SHISA9: variants seen among roughly 807,000 people sequenced by gnomAD.
SHISA9 encodes shisa family member 9, also known as protein shisa-9.
A neutral mutation model predicts 38.0 loss-of-function variants in SHISA9; 13 were observed. The observed-to-expected ratio is 0.34, with a 90% CI of 0.22 to 0.54. SHISA9 has a LOEUF of 0.54. Ranked by LOEUF, SHISA9 falls within the 20% of genes least tolerant of loss-of-function variation. The probability of loss-of-function intolerance (pLI) is 0.91; values close to 1 mark genes in which losing one functional copy is unlikely to be tolerated. For missense variants in SHISA9, 538 were observed against 575.8 expected (o/e 0.93, Z 0.67); for synonymous variants, 275 against 242.0 (o/e 1.14, Z -1.27).
the SHISA9 span, among the ~76,000 whole-genome samples, chr16:13,554,309 A>AC: frequency 6.6e-6 from 1 of 151,426 alleles, no homozygotes; most frequent in East Asian, 2.0e-4. Flanking sequence ...AAAAAAAAAA[A>AC]AAACACCTTT....
chr16:13,119,455 A>G (rs1178089918), intron 2 of SHISA9, among the ~76,000 whole-genome samples: 1 of 152,146 alleles, frequency 6.6e-6, no homozygotes, highest in Admixed American at 6.5e-5. Flanking sequence ...TCACATTTCC[A>G]CTTGTTGATC....
intron 2 of SHISA9, among the ~76,000 whole-genome samples, chr16:13,133,365 C>T (rs930577829): frequency 6.6e-6 from 1 of 152,172 alleles, no homozygotes; most frequent in Admixed American, 6.5e-5. Flanking sequence ...ATTTTCATTT[C>T]TCATTTTCTT....
intron 2 of SHISA9, among the ~76,000 whole-genome samples, chr16:13,187,453 G>T (rs1325911188): frequency 1.3e-5 from 2 of 148,948 alleles, no homozygotes; most frequent in East Asian, 2.0e-4. Context: ...TCCTGTCTCA[G>T]CCTCCTGAAT....
the SHISA9 span, among the ~76,000 whole-genome samples, chr16:13,434,545 G>A: frequency 6.6e-6 from 1 of 151,344 alleles, no homozygotes; most frequent in Non-Finnish European, 1.5e-5. Context: ...AGCCTCCCGA[G>A]TAGCTGGGAC....
intron 2 of SHISA9, among the ~76,000 whole-genome samples, chr16:13,189,522 A>T (rs2050862253): frequency 6.6e-6 from 1 of 152,198 alleles, no homozygotes; most frequent in Admixed American, 6.5e-5. Flanking sequence ...TTATACTTAG[A>T]GATATGAGGG....
the SHISA9 span, among the ~76,000 whole-genome samples, chr16:13,308,664 T>C: frequency 1.6e-4 from 25 of 152,294 alleles, no homozygotes; most frequent in Non-Finnish European, 3.2e-4. Flanking sequence ...TGTGTGAAGA[T>C]GAAAGAAGAC....
intron 2 of SHISA9, among the ~76,000 whole-genome samples, chr16:13,140,009 G>A (rs1001981740): frequency 1.3e-4 from 19 of 151,616 alleles, no homozygotes; most frequent in East Asian, 3.9e-4. Context: ...TTTGACCCTC[G>A]GTCATTCCTT....
intron 2 of SHISA9, among the ~76,000 whole-genome samples, chr16:12,943,592 G>T (rs2071651276): frequency 6.6e-6 from 1 of 152,118 alleles, no homozygotes. Flanking sequence ...ACAAGTGAAT[G>T]CATCTCTCCT....
intron 2 of SHISA9, among the ~76,000 whole-genome samples, chr16:13,045,428 T>C (rs573526025): frequency 2.6e-5 from 4 of 152,310 alleles, no homozygotes; most frequent in Admixed American, 1.3e-4. Flanking sequence ...AAGATAGATA[T>C]CTTACCATAC....
chr16:13,318,482 C>T, the SHISA9 span, among the ~76,000 whole-genome samples: 1 of 152,058 alleles, frequency 6.6e-6, no homozygotes, highest in African/African-American at 2.4e-5. Flanking sequence ...GTGTGCCACC[C>T]CTCCCATCTA....
intron 2 of SHISA9, among the ~76,000 whole-genome samples, chr16:13,196,985 C>T (rs374560916): frequency 1.3e-5 from 2 of 151,922 alleles, no homozygotes; most frequent in East Asian, 1.9e-4. Context: ...TCCAGCTACT[C>T]GGAGGCTGAG....
chr16:13,206,857 T>A (rs1051882307), intron 3 of SHISA9, among the ~76,000 whole-genome samples: 1 of 152,212 alleles, frequency 6.6e-6, no homozygotes, highest in African/African-American at 2.4e-5. Flanking sequence ...CATTCAAATA[T>A]ACTCAGTGTT....
chr16:13,555,076 A>T, the SHISA9 span, among the ~76,000 whole-genome samples: 3 of 152,232 alleles, frequency 2.0e-5, no homozygotes, highest in African/African-American at 7.2e-5. Context: ...GTATATAATT[A>T]GTATTAACTA....
the SHISA9 span, among the ~76,000 whole-genome samples, chr16:13,476,629 AG>A: frequency 2.0e-5 from 3 of 151,928 alleles, no homozygotes; most frequent in Non-Finnish European, 4.4e-5. Context: ...GCTGTTTGAA[AG>A]GGGACACCCA....
chr16:13,489,214 A>T, the SHISA9 span, among the ~76,000 whole-genome samples: 1 of 151,834 alleles, frequency 6.6e-6, no homozygotes, highest in African/African-American at 2.4e-5. Context: ...CACCCGGCTA[A>T]TTTTTTTGTA....
At chr16:13,511,900 A>T in the SHISA9 span, among the ~76,000 whole-genome samples, 5 of 152,174 alleles carry the variant, frequency 3.3e-5, no homozygotes, top group Non-Finnish European at 7.3e-5. Context: ...CTTTTCCTAG[A>T]CACCTGAGAG....
chr16:13,366,739 G>A, the SHISA9 span, among the ~76,000 whole-genome samples: 1 of 152,122 alleles, frequency 6.6e-6, no homozygotes. Context: ...TGTTATCCCA[G>A]CGCTTTGGGA....
At chr16:12,932,889 C>T (rs974011002) in intron 2 of SHISA9, among the ~76,000 whole-genome samples, 1 of 152,166 alleles carries the variant, frequency 6.6e-6, no homozygotes, top group African/African-American at 2.4e-5. Flanking sequence ...ATTGATTAGC[C>T]ATGTCTGCTG....
intron 4 of SHISA9, among the ~76,000 whole-genome samples, chr16:13,214,247 A>C (rs148592545): frequency 6.6e-6 from 1 of 152,120 alleles, no homozygotes; most frequent in Non-Finnish European, 1.5e-5. Context: ...CACTCAGGCT[A>C]AAGTGCCGTA....
Sources: gnomAD v4.1 joint callset for allele counts (sites outside exome capture counted in the v4.1 genomes callset) on GRCh38, gnomAD v4.1.1 for gene constraint, MANE v1.5 for transcripts, NCBI Gene and HGNC (gene_info 2026-07-23, HGNC 2026-07-21) for gene names.